QKI: variants seen among roughly 807,000 people sequenced by gnomAD.
QKI encodes the protein KH domain-containing RNA-binding protein QKI.
A neutral mutation model predicts 39.0 loss-of-function variants in QKI; 10 were observed. That is an observed-to-expected ratio of 0.26 (90% CI 0.16 to 0.43). The LOEUF (loss-of-function observed/expected upper bound fraction) is 0.43, where lower values mean the gene tolerates loss of function less well. Ranked by LOEUF, QKI falls within the 20% of genes least tolerant of loss-of-function variation. QKI has a pLI of 1.00. For missense variants in QKI, 218 were observed against 428.0 expected, an observed-to-expected ratio of 0.51 and a Z score of 4.33; for synonymous variants, 204 against 155.4, an observed-to-expected ratio of 1.31 and a Z score of -2.33.
At chr6:163,547,810 A>G (rs994183928) in intron 4 of QKI, among the ~76,000 whole-genome samples, 1 of 152,002 alleles carries the variant, frequency 6.6e-6, no homozygotes, top group Admixed American at 6.6e-5. Context: ...TCTGTTACCC[A>G]TGGTGCTCCC....
intron 3 of QKI, among the ~76,000 whole-genome samples, chr6:163,495,745 TTG>T (rs1778368349): frequency 6.6e-6 from 1 of 152,150 alleles, no homozygotes; most frequent in East Asian, 1.9e-4. Flanking sequence ...CTTTTATAAT[TTG>T]TGTGTGTCTT....
At position 163,570,836 on chromosome 6, in the gene QKI, C is replaced by T. The variant is rs1783663814; in HGVS notation, c.*126C>T. ...AGTGCAGCGAGCTGAGGCACTTGTC[C>T]GTTCGTCTTACCATCTAACCAAACA... On this transcript the variant is annotated 3_prime_UTR_variant, in exon 8 of 8. Coordinates refer to ENST00000361752, the MANE Select transcript of QKI (RefSeq NM_006775.3). 4.7e-6 allele frequency: 6 copies of T among 1,271,374 alleles called. No individual in the cohort carries two copies. Among genetic ancestry groups the T allele is most frequent in the Non-Finnish European group, 6.4e-6 (6 of 930,818 alleles). The allele number at this position is 1,271,374 out of a possible 1,614,324, so 78.8% of individuals were successfully genotyped here.
chr6:163,465,452 C>T (rs1467656806), intron 2 of QKI, among the ~76,000 whole-genome samples: 1 of 151,064 alleles, frequency 6.6e-6, no homozygotes, highest in Admixed American at 6.6e-5. Context: ...CAACATGAAA[C>T]CCTGTCTCTA....
chr6:163,529,421 G>T (rs1448116414), intron 3 of QKI, among the ~76,000 whole-genome samples: 1 of 152,130 alleles, frequency 6.6e-6, no homozygotes, highest in Non-Finnish European at 1.5e-5. Context: ...TGTACATACT[G>T]TCAAGAGTAT....
intron 3 of QKI, among the ~76,000 whole-genome samples, chr6:163,485,490 G>GGT (rs1202366674): frequency 6.6e-6 from 1 of 152,048 alleles, no homozygotes; most frequent in Non-Finnish European, 1.5e-5. Flanking sequence ...TCACCCTTTG[G>GGT]GTATATATAT....
chr6:163,502,900 C>T (rs1778858874), intron 3 of QKI, among the ~76,000 whole-genome samples: 1 of 152,028 alleles, frequency 6.6e-6, no homozygotes, highest in South Asian at 2.1e-4. Flanking sequence ...AGTGGTAGTT[C>T]TGAGTTCTTT....
At chr6:163,497,393 A>C (rs1413320329) in intron 3 of QKI, among the ~76,000 whole-genome samples, 1 of 152,084 alleles carries the variant, frequency 6.6e-6, no homozygotes, top group Non-Finnish European at 1.5e-5. Context: ...AATTGCTTTT[A>C]ATAATTGTAT....
intron 3 of QKI, among the ~76,000 whole-genome samples, chr6:163,495,695 T>TA (rs1328065272): frequency 6.6e-6 from 1 of 152,210 alleles, no homozygotes; most frequent in African/African-American, 2.4e-5. Context: ...CCCTGTCTCT[T>TA]ACAGTGTAAT....
In QKI at chr6:163,573,234, CAG is replaced by C. The variant is rs1447862684; in HGVS notation, c.*2525_*2526del. On this transcript the variant is annotated 3_prime_UTR_variant, in exon 8 of 8. Transcript: ENST00000361752. ...TGAAATCTCTGAATGCCTTGGTTCT[CAG>C]TATTATCATTCTTTATTGAATTTAT... 7.9e-5 allele frequency: 12 copies of C among 152,102 alleles called. No homozygotes were observed. The highest frequency in any genetic ancestry group is 3.2e-3 in the Middle Eastern group (1 of 316). 9.4% of individuals were successfully genotyped at this position (152,102 alleles called of 1,614,324 possible). A position where few individuals can be genotyped will look rare whatever the true frequency, so the allele number is the denominator to read the frequency against.
At chr6:163,507,569 A>G (rs1344057590) in intron 3 of QKI, among the ~76,000 whole-genome samples, 1 of 152,244 alleles carries the variant, frequency 6.6e-6, no homozygotes, top group African/African-American at 2.4e-5. Context: ...GAAGGGAAAG[A>G]AAAGAGAACG....
intron 1 of QKI, among the ~76,000 whole-genome samples, 187 bp downstream of exon 1, chr6:163,415,522 T>G (rs927573629): frequency 5.4e-5 from 8 of 147,502 alleles, no homozygotes; most frequent in Non-Finnish European, 1.1e-4. Context: ...CGGGCCGGGG[T>G]GGACCCGCCG....
intron 3 of QKI, among the ~76,000 whole-genome samples, chr6:163,479,414 C>T (rs953634053): frequency 5.9e-5 from 9 of 152,206 alleles, no homozygotes; most frequent in Admixed American, 3.3e-4. Context: ...CTATGTCACC[C>T]AGGCTGGAGT....
chr6:163,519,902 T>A, intron 3 of QKI, among the ~76,000 whole-genome samples: 1 of 152,188 alleles, frequency 6.6e-6, no homozygotes, highest in East Asian at 1.9e-4. Flanking sequence ...TACATCTGTT[T>A]CTTAATTAAG....
chr6:163,481,280 A>G (rs1373602830), intron 3 of QKI, among the ~76,000 whole-genome samples: 1 of 152,182 alleles, frequency 6.6e-6, no homozygotes, highest in African/African-American at 2.4e-5. Flanking sequence ...TAATGTGTAT[A>G]TCTATATGTG....
chr6:163,555,259 T>G (rs1405502009), intron 4 of QKI, among the ~76,000 whole-genome samples: 1 of 152,118 alleles, frequency 6.6e-6, no homozygotes. Flanking sequence ...ATTGGTTAGT[T>G]TATGGATACA....
chr6:163,541,529 T>C (rs1408990976), intron 4 of QKI, among the ~76,000 whole-genome samples: 6 of 151,324 alleles, frequency 4.0e-5, no homozygotes, highest in Non-Finnish European at 8.9e-5. Flanking sequence ...TCTAGTTTTG[T>C]CTGTTACTGA....
At chr6:163,554,834 C>T (rs1430759249) in intron 4 of QKI, among the ~76,000 whole-genome samples, 1 of 152,236 alleles carries the variant, frequency 6.6e-6, no homozygotes, top group African/African-American at 2.4e-5. Flanking sequence ...GTTGCCTGGA[C>T]AATGTTAAAG....
Position 163,530,586 on chromosome 6 carries a change from T to C in QKI, c.403-4396T>C, listed in dbSNP as rs534878718. Among the ~76,000 whole-genome samples the C allele has an allele frequency of 9.2e-5, 14 of 152,334 alleles. No homozygotes were observed. In the South Asian group the frequency reaches 2.9e-3, roughly 32 times the overall value. On this transcript the variant is annotated intron_variant, in intron 3 of 7. Transcript: ENST00000361752. Reference sequence around the variant, plus strand: ...CTCACTGAAGGAATTTAACTCTTCTTGAGCTGGAATGGACTACAGTAGAAT... The same window carrying C: ...CTCACTGAAGGAATTTAACTCTTCTCGAGCTGGAATGGACTACAGTAGAAT...
At chr6:163,512,050 A>G (rs1779516598) in intron 3 of QKI, among the ~76,000 whole-genome samples, 3 of 152,114 alleles carry the variant, frequency 2.0e-5, no homozygotes, top group Non-Finnish European at 4.4e-5. Flanking sequence ...ACATCTTGAA[A>G]CTAATCAGTG....
Sources: allele counts gnomAD v4.1 joint callset (sites outside exome capture counted in the v4.1 genomes callset), GRCh38; gene constraint gnomAD v4.1.1; transcripts MANE v1.5; gene names NCBI Gene and HGNC (gene_info 2026-07-23, HGNC 2026-07-21).